RLN2: variants seen among roughly 807,000 people sequenced by gnomAD.
RLN2 encodes the protein relaxin 2, also known as prorelaxin H2.
Under a neutral mutation model 7.3 loss-of-function variants are expected in RLN2, and 10 were observed. The ratio of observed to expected loss-of-function variants is 1.36; its 90% CI spans 0.84 to 2.31. The LOEUF (loss-of-function observed/expected upper bound fraction) is 2.31. RLN2 is among the 30% of genes most tolerant of loss of function. The pLI is 0.00. For synonymous variants in RLN2, 103 were observed against 82.3 expected, an observed-to-expected ratio of 1.25 and a Z score of -1.36; for missense variants, 298 against 217.6, an observed-to-expected ratio of 1.37 and a Z score of -2.32.
chr9:5,308,891 G>A (rs1323717132), upstream of RLN2, among the ~76,000 whole-genome samples: 3 of 152,006 alleles, frequency 2.0e-5, no homozygotes, highest in African/African-American at 7.3e-5. Context: ...GGTAACCAGG[G>A]GTCACCTTAC....
chr9:5,325,927 A>T, the RLN2 span, among the ~76,000 whole-genome samples: 1 of 152,140 alleles, frequency 6.6e-6, no homozygotes, highest in South Asian at 2.1e-4. Context: ...CTGTTGTAAA[A>T]TCCATGTAAC....
At chr9:5,317,174 G>C in the RLN2 span, among the ~76,000 whole-genome samples, 9 of 151,896 alleles carry the variant, frequency 5.9e-5, no homozygotes, top group South Asian at 4.2e-4. Flanking sequence ...AAAATAACCA[G>C]AAAACAATTA....
At chr9:5,327,482 T>C in the RLN2 span, among the ~76,000 whole-genome samples, 1 of 152,024 alleles carries the variant, frequency 6.6e-6, no homozygotes, top group Non-Finnish European at 1.5e-5. Flanking sequence ...CAGGGCATAG[T>C]AGAACAAAAG....
At chr9:5,305,336 A>G (rs1816222505), upstream of RLN2, among the ~76,000 whole-genome samples, 2 of 149,488 alleles carry the variant, frequency 1.3e-5, no homozygotes, top group South Asian at 2.1e-4. Flanking sequence ...TCTAATCTAC[A>G]TCTCTGGAGA....
At chr9:5,318,344 G>A in the RLN2 span, among the ~76,000 whole-genome samples, 4 of 151,706 alleles carry the variant, frequency 2.6e-5, no homozygotes, top group Non-Finnish European at 4.4e-5. Flanking sequence ...TGAACATCTC[G>A]TAATAATATG....
At chr9:5,307,298 TA>T (rs1490819463), upstream of RLN2, among the ~76,000 whole-genome samples, 1 of 129,716 alleles carries the variant, frequency 7.7e-6, no homozygotes, top group African/African-American at 3.1e-5. Context: ...GATAGATAGA[TA>T]GATAGATAGA....
the RLN2 span, among the ~76,000 whole-genome samples, chr9:5,322,910 G>C: frequency 3.3e-5 from 5 of 151,860 alleles, no homozygotes; most frequent in Non-Finnish European, 7.4e-5. Flanking sequence ...ATTATTTTGA[G>C]CTAAAAGAAA....
chr9:5,337,211 T>C, the RLN2 span, among the ~76,000 whole-genome samples: 1 of 152,154 alleles, frequency 6.6e-6, no homozygotes, highest in South Asian at 2.1e-4. Context: ...TGTCTGTAGT[T>C]GCAGTCTTAT....
the RLN2 span, among the ~76,000 whole-genome samples, chr9:5,324,554 T>G: frequency 2.6e-5 from 4 of 152,104 alleles, no homozygotes; most frequent in African/African-American, 9.6e-5. Flanking sequence ...GTAAATATAC[T>G]TGAACTGAAC....
the RLN2 span, among the ~76,000 whole-genome samples, chr9:5,312,862 C>T: frequency 7.9e-5 from 12 of 152,024 alleles, no homozygotes; most frequent in Middle Eastern, 3.4e-3. Context: ...CTAATTTCTA[C>T]GTATTTTTGA....
At chr9:5,302,753 G>A (rs1303474508) in intron 1 of RLN2, among the ~76,000 whole-genome samples, 1 of 152,092 alleles carries the variant, frequency 6.6e-6, no homozygotes, top group African/African-American at 2.4e-5. Flanking sequence ...AGTGTATGTG[G>A]CAGATTTATG....
At chr9:5,313,618 A>C in the RLN2 span, among the ~76,000 whole-genome samples, 2 of 152,030 alleles carry the variant, frequency 1.3e-5, no homozygotes, top group Non-Finnish European at 2.9e-5. Context: ...TGATACATGC[A>C]TACATTGTGA....
rs764578089 is a variant in RLN2, at chr9:5,304,563, A to G, written c.18T>C (p.Phe6=). ...GTAAACAGACTCCTAGCAGGTGGAA[A>G]AAAAACAGGCGAGGCATCCTGGGCC... The part of the protein sequence containing the change: MPRLF[F]FHLLGVCLLL... Residue 6 remains phenylalanine (F), a synonymous_variant, in exon 1 of 2, where the codon TTT becomes TTC. Transcript: ENST00000381627. The G allele has an allele frequency of 1.2e-6, 2 of 1,613,562 alleles. No homozygotes were observed. Among genetic ancestry groups the G allele is most frequent in the Admixed American group, 1.7e-5 (1 of 59,982 alleles).
At chr9:5,301,347 G>C (rs937905905) in intron 1 of RLN2, among the ~76,000 whole-genome samples, 1 of 152,148 alleles carries the variant, frequency 6.6e-6, no homozygotes, top group Non-Finnish European at 1.5e-5. Context: ...CACCCATTCA[G>C]CTCAGTTGAA....
chr9:5,335,893 G>C, the RLN2 span, among the ~76,000 whole-genome samples: 1 of 151,914 alleles, frequency 6.6e-6, no homozygotes, highest in Non-Finnish European at 1.5e-5. Flanking sequence ...ACATTACTCT[G>C]TCATCTTTCT....
chr9:5,318,721 G>A, the RLN2 span, among the ~76,000 whole-genome samples: 1 of 151,752 alleles, frequency 6.6e-6, no homozygotes, highest in African/African-American at 2.4e-5. Context: ...TCTGTTACTT[G>A]TTTGTAGTTT....
At chr9:5,330,925 G>A in the RLN2 span, among the ~76,000 whole-genome samples, 1 of 151,906 alleles carries the variant, frequency 6.6e-6, no homozygotes, top group Non-Finnish European at 1.5e-5. Context: ...TATCACCACT[G>A]ATCCCACAGA....
the RLN2 span, chr9:5,335,211 T>C: frequency 4.8e-6 from 6 of 1,238,192 alleles, no homozygotes; most frequent in South Asian, 1.5e-5. Context: ...ATCAAGACTA[T>C]GTGTGAAAAT....
the RLN2 span, among the ~76,000 whole-genome samples, chr9:5,320,387 T>C: frequency 6.6e-6 from 1 of 152,004 alleles, no homozygotes; most frequent in Non-Finnish European, 1.5e-5. Flanking sequence ...TTTTAATTTT[T>C]TGACACAGGG....
Sources: allele counts gnomAD v4.1 joint callset (sites outside exome capture counted in the v4.1 genomes callset), GRCh38; gene constraint gnomAD v4.1.1; transcripts MANE v1.5; gene names NCBI Gene and HGNC (gene_info 2026-07-23, HGNC 2026-07-21).